The following HADHB variants were observed in gnomAD, a reference collection of about 807,000 sequenced individuals.
The protein encoded by HADHB is hydroxyacyl-CoA dehydrogenase trifunctional multienzyme complex subunit beta, also known as trifunctional enzyme subunit beta, mitochondrial.
Under a neutral mutation model 61.9 loss-of-function variants are expected in HADHB, and 50 were observed. That is an observed-to-expected ratio of 0.81 (90% CI 0.64 to 1.02). HADHB has a LOEUF of 1.02. Ranked by LOEUF, HADHB falls within the 50% of genes least tolerant of loss-of-function variation. The pLI is 0.00. For missense variants in HADHB, 504 were observed against 586.5 expected, an observed-to-expected ratio of 0.86 and a Z score of 1.45; for synonymous variants, 191 against 201.6, an observed-to-expected ratio of 0.95 and a Z score of 0.45.
intron 1 of HADHB, among the ~76,000 whole-genome samples, chr2:26,250,861 C>T (rs1282036705): frequency 6.6e-6 from 1 of 151,198 alleles, no homozygotes; most frequent in Non-Finnish European, 1.5e-5. Context: ...ATATTATATT[C>T]TCCGATGTTT....
chr2:26,270,638 GTCTAAT>G (rs1050442197), intron 5 of HADHB, among the ~76,000 whole-genome samples: 2 of 151,708 alleles, frequency 1.3e-5, no homozygotes, highest in Non-Finnish European at 2.9e-5. Context: ...AGTTTCCTCT[GTCTAAT>G]TGTATAATCA....
chr2:26,245,361 C>G (rs1671100470), intron 1 of HADHB: 2 of 152,958 alleles, frequency 1.3e-5, no homozygotes, highest in Admixed American at 6.5e-5. Flanking sequence ...GCCTGCTTCC[C>G]CTGTACCCAG....
At chr2:26,284,852 G>T (rs757258405) in intron 13 of HADHB, 31 bp from the exon 14 acceptor site, 3 of 1,062,386 alleles carry the variant, frequency 2.8e-6, no homozygotes, top group Non-Finnish European at 4.4e-6. Flanking sequence ...CATGAATAAC[G>T]AGGTTCTTAT....
At position 26,288,273 on chromosome 2, in the gene HADHB, TAAAG is replaced by T. The variant is rs1195667186; in HGVS notation, c.1390-1641_1390-1638del. ...GAGTTGCCTTGTCTCAAAAAGCAAA[TAAAG>T]AAATTAAAATAAATAAAAAATAAAA... On this transcript the variant is annotated intron_variant, in intron 15 of 15. Transcript: ENST00000317799. 5.3e-5 allele frequency among the ~76,000 whole-genome samples: 8 copies of T among 150,604 alleles called. No homozygotes were observed. The East Asian group carries it at 1.6e-3, about 30-fold the overall frequency.
intron 10 of HADHB, among the ~76,000 whole-genome samples, chr2:26,282,632 C>T (rs138522955): frequency 6.6e-6 from 1 of 152,312 alleles, no homozygotes; most frequent in Non-Finnish European, 1.5e-5. Flanking sequence ...TACTTTTGAA[C>T]AGCCTTCTCT....
chr2:26,263,255 C>T (rs1378117265), intron 3 of HADHB, 125 bp from the exon 4 acceptor site: 27 of 602,602 alleles, frequency 4.5e-5, no homozygotes, highest in Admixed American at 7.9e-5. Flanking sequence ...GCCGAGATCA[C>T]GCCATTGCAC....
At chr2:26,258,132 C>T (rs1194204136) in intron 3 of HADHB, among the ~76,000 whole-genome samples, 1 of 152,192 alleles carries the variant, frequency 6.6e-6, no homozygotes, top group Non-Finnish European at 1.5e-5. Flanking sequence ...TTAACTGAGC[C>T]TCCGAAACGG....
chr2:26,283,815 C>A (rs1304809064), intron 12 of HADHB, among the ~76,000 whole-genome samples: 2 of 152,238 alleles, frequency 1.3e-5, no homozygotes, highest in African/African-American at 4.8e-5. Flanking sequence ...TCACATCAGT[C>A]AAGCCCTTTC....
At chr2:26,247,808 A>G (rs1214591410) in intron 1 of HADHB, among the ~76,000 whole-genome samples, 1 of 152,208 alleles carries the variant, frequency 6.6e-6, no homozygotes, top group Admixed American at 6.5e-5. Flanking sequence ...CTTTGCAAAT[A>G]AATACTATGC....
At chr2:26,249,826 T>A (rs1298110275) in intron 1 of HADHB, among the ~76,000 whole-genome samples, 1 of 151,964 alleles carries the variant, frequency 6.6e-6, no homozygotes, top group Non-Finnish European at 1.5e-5. Flanking sequence ...GCATGGTTGT[T>A]TGAGGCCTTG....
intron 15 of HADHB, among the ~76,000 whole-genome samples, chr2:26,288,537 C>T (rs1010232339): frequency 1.3e-5 from 2 of 151,860 alleles, no homozygotes; most frequent in African/African-American, 4.8e-5. Flanking sequence ...GGCAAAACCC[C>T]ATCTCTACTA....
rs267606859 is a variant in HADHB, at chr2:26,285,546, T to A, written c.1364T>A (p.Val455Glu). ...AAAGAAGGAGGCCAGTATGGCTTAG[T>A]GGCTGCGTGTGCAGCTGGAGGGCAG... ...LRKEGGQYGL[V>E]AACAAGGQGH... is the part of the protein sequence containing the mutation. The change falls in exon 15 of 16, where the codon GTG (valine) becomes GAG (glutamate). Residue 455 changes from valine (V) to glutamate (E), a missense_variant. Transcript: ENST00000317799. 1 of 1,614,006 alleles carries A rather than the reference T, an allele frequency of 6.2e-7. No individual in the cohort carries two copies. The highest frequency in any genetic ancestry group is 1.3e-5 in the African/African-American group (1 of 75,002).
At chr2:26,286,850 T>C (rs115496513) in intron 15 of HADHB, among the ~76,000 whole-genome samples, 2,299 of 150,470 alleles carry the variant, frequency 0.015, 66 homozygotes, top group African/African-American at 0.054. Context: ...TGTGAACAGA[T>C]TTTCTCTTCC....
At chr2:26,257,723 T>C (rs1671688399) in intron 3 of HADHB, among the ~76,000 whole-genome samples, 1 of 151,986 alleles carries the variant, frequency 6.6e-6, no homozygotes, top group Non-Finnish European at 1.5e-5. Context: ...TCATTTAAGA[T>C]TTCTTCCCAC....
At chr2:26,248,702 A>G (rs543584633) in intron 1 of HADHB, among the ~76,000 whole-genome samples, 1 of 152,316 alleles carries the variant, frequency 6.6e-6, no homozygotes, top group African/African-American at 2.4e-5. Context: ...CATATTTTCA[A>G]TGTTTGCCAA....
In HADHB at chr2:26,284,203, C is replaced by A; in HGVS notation, c.1148C>A (p.Ser383Ter). ...GCTTTTGAATTTCATGAAGCTTTCTCGGTAAGTAATTTGAAAGACACATAT... is the reference window on the plus strand; with the variant it reads ...GCTTTTGAATTTCATGAAGCTTTCTAGGTAAGTAATTTGAAAGACACATAT... ...IDAFEFHEAF[S>*]GQILANFKAM... Residue 383 changes from serine to a stop codon, truncating the protein, a stop_gained and splice_region_variant, in exon 13 of 16, where the codon TCG (serine) becomes TAG (stop). Coordinates refer to ENST00000317799, the MANE Select transcript of HADHB (RefSeq NM_000183.3). LOFTEE classifies it high-confidence loss of function. The A allele has an allele frequency of 6.6e-7, 1 of 1,510,422 alleles. No homozygotes were observed. Among genetic ancestry groups the A allele is most frequent in the Non-Finnish European group, 9.2e-7 (1 of 1,086,210 alleles). The allele number at this position is 1,510,422 out of a possible 1,614,324, so 93.6% of individuals were successfully genotyped here. A position where few individuals can be genotyped will look rare whatever the true frequency, so the allele number is the denominator to read the frequency against.
chr2:26,259,603 C>A (rs1037763077), intron 3 of HADHB, among the ~76,000 whole-genome samples: 11 of 152,318 alleles, frequency 7.2e-5, no homozygotes, highest in Admixed American at 6.5e-4. Context: ...TTTAGAAGGC[C>A]TGCATCTTTC....
At chr2:26,277,255 T>A (rs1264722597) in intron 7 of HADHB, 95 bp downstream of exon 7, 11 of 560,718 alleles carry the variant, frequency 2.0e-5, no homozygotes, top group South Asian at 7.6e-5. Context: ...TTTTTTTTTT[T>A]AACACAGAAC....
At chr2:26,255,527 A>G (rs1049906365) in intron 3 of HADHB, among the ~76,000 whole-genome samples, 2 of 151,490 alleles carry the variant, frequency 1.3e-5, no homozygotes, top group African/African-American at 4.8e-5. Flanking sequence ...AAGAAAGAAA[A>G]AATCCTGGGA....
Sources: gnomAD v4.1 joint callset for allele counts (sites outside exome capture counted in the v4.1 genomes callset) on GRCh38, gnomAD v4.1.1 for gene constraint, MANE v1.5 for transcripts, NCBI Gene and HGNC (gene_info 2026-07-23, HGNC 2026-07-21) for gene names.